The following COL23A1 variants were observed in gnomAD, a reference collection of about 807,000 sequenced individuals.
COL23A1 encodes collagen alpha-1(XXIII) chain.
In COL23A1, 97 loss-of-function variants were observed where a neutral mutation model predicts 99.3. The ratio of observed to expected loss-of-function variants is 0.98; its 90% CI spans 0.83 to 1.16. COL23A1 has a LOEUF of 1.16. Among genes scored for constraint, COL23A1 ranks in the 50% most tolerant of loss-of-function variants. The pLI, the probability that COL23A1 is intolerant of heterozygous loss-of-function variation, is 0.00. For synonymous variants in COL23A1, 320 were observed against 308.2 expected (o/e 1.04, Z -0.40); for missense variants, 762 against 757.4 (o/e 1.01, Z -0.07).
rs542095369 is a variant in COL23A1 at position 178,537,151 on chromosome 5, A to G, written c.361+23531T>C. Among the ~76,000 whole-genome samples the G allele has an allele frequency of 8.5e-5, 13 of 152,198 alleles. No individual in the cohort carries two copies. In the East Asian group the frequency reaches 2.3e-3, roughly 27 times the overall value. ...GGCGTAGAGGGAGGGGGTCCCACAT[A>G]CAGGCCGGGGGTGACAGGGAGAGGA... On this transcript the variant is annotated intron_variant, in intron 2 of 28. Coordinates refer to ENST00000390654, the MANE Select transcript of COL23A1 (RefSeq NM_173465.4).
In COL23A1 at chr5:178,268,738, CT is replaced by C; in HGVS notation, c.486del (p.Glu164LysfsTer145). ...CCTCTGGCATCACTTACCTTTTCCC[CT>C]TTCGGGCCTGGAAGTCCCTGGAAAA... ...LDGKPGLPGP[K>X]GEKGAPGDFG... is the part of the protein sequence containing the mutation. On this transcript the variant is annotated frameshift_variant, in exon 7 of 29. Coordinates refer to ENST00000390654, the MANE Select transcript of COL23A1 (RefSeq NM_173465.4). LOFTEE classifies it high-confidence loss of function. The C allele has an allele frequency of 6.2e-7, 1 of 1,604,066 alleles. No homozygotes were observed. The highest frequency in any genetic ancestry group is 8.5e-7 in the Non-Finnish European group (1 of 1,173,802).
rs561379259 is a variant in COL23A1 at position 178,437,637 on chromosome 5, G to A, written c.361+123045C>T. 6.6e-5 allele frequency among the ~76,000 whole-genome samples: 10 copies of A among 152,274 alleles called. No individual in the cohort carries two copies. The South Asian group carries it at 1.9e-3, about 28-fold the overall frequency. On this transcript the variant is annotated intron_variant, in intron 2 of 28. Transcript: ENST00000390654. ...GGCCCTGGTCCCACTGAGTTCTCAG[G>A]GCCCAGGCCCTGAGGGTACCCACTG...
chr5:178,308,833 G>C lies in COL23A1; in HGVS notation c.362-1914C>G, dbSNP rs1758507731. Among the ~76,000 whole-genome samples the C allele has an allele frequency of 6.6e-6, 1 of 152,112 alleles. No homozygotes were observed. The highest frequency in any genetic ancestry group is 2.4e-5 in the African/African-American group (1 of 41,422). On this transcript the variant is annotated intron_variant, in intron 2 of 28. Transcript: ENST00000390654. This position sits in a 1 kb window ranked among gnomAD's most constrained non-coding sequence, Gnocchi z 5.1. The stretch of plus-strand genomic sequence containing the variant: ...GGGGGCAGGTCAGCACTCTCGGGGG[G>C]GGCTTTCCTCCTCTCTGGGCCTGTT...
intron 2 of COL23A1, among the ~76,000 whole-genome samples, chr5:178,550,714 G>A (rs1581620280): frequency 6.6e-6 from 1 of 152,126 alleles, no homozygotes. Flanking sequence ...AGGAAAGGCC[G>A]CTACAGCATG....
chr5:178,487,287 G>GGTTTTTTT (rs1757683138), intron 2 of COL23A1, among the ~76,000 whole-genome samples: 1 of 137,462 alleles, frequency 7.3e-6, no homozygotes, highest in African/African-American at 2.7e-5. Flanking sequence ...ACCAGCCTCA[G>GGTTTTTTT]TTTTATTTAT....
intron 2 of COL23A1, among the ~76,000 whole-genome samples, chr5:178,478,923 G>A (rs535254367): frequency 6.6e-6 from 1 of 152,110 alleles, no homozygotes. Flanking sequence ...TTCTGGATTC[G>A]GGTGCCATAC....
chr5:178,364,155 T>C (rs925748387), intron 2 of COL23A1, among the ~76,000 whole-genome samples: 2 of 152,218 alleles, frequency 1.3e-5, no homozygotes, highest in African/African-American at 4.8e-5. Context: ...TGTGCTTTTC[T>C]GCACATTTCC....
chr5:178,425,018 C>T (rs981693061), intron 2 of COL23A1, among the ~76,000 whole-genome samples: 5 of 152,234 alleles, frequency 3.3e-5, no homozygotes, highest in African/African-American at 1.2e-4. Context: ...CTCTCTCCAC[C>T]GACCACTGAC....
At chr5:178,509,563 T>A (rs975476763) in intron 2 of COL23A1, among the ~76,000 whole-genome samples, 1 of 152,018 alleles carries the variant, frequency 6.6e-6, no homozygotes, top group Non-Finnish European at 1.5e-5. Flanking sequence ...ATCTGGCACA[T>A]TGAAATTGAA....
chr5:178,288,242 C>G (rs979598904), intron 5 of COL23A1, 82 bp downstream of exon 5: 3 of 1,175,450 alleles, frequency 2.6e-6, no homozygotes, highest in South Asian at 1.2e-5. Context: ...GGAGCGCAGA[C>G]AGAGTTAAAT....
At chr5:178,531,899 G>C (rs952692692) in intron 2 of COL23A1, among the ~76,000 whole-genome samples, 1 of 152,316 alleles carries the variant, frequency 6.6e-6, no homozygotes, top group South Asian at 2.1e-4. Flanking sequence ...TCTCCTCTCA[G>C]TCCTGGAGTC....
intron 2 of COL23A1, among the ~76,000 whole-genome samples, chr5:178,330,240 G>A (rs958084543): frequency 2.6e-5 from 4 of 152,248 alleles, no homozygotes; most frequent in African/African-American, 9.6e-5. Flanking sequence ...CACACGCACT[G>A]TATTCTGTCG....
At chr5:178,501,997 A>G (rs915596608) in intron 2 of COL23A1, among the ~76,000 whole-genome samples, 4 of 152,248 alleles carry the variant, frequency 2.6e-5, no homozygotes, top group Admixed American at 6.5e-5. Flanking sequence ...TAGGACAAAG[A>G]CCGACAATCT....
Position 178,242,358 on chromosome 5 carries a change from T to G in COL23A1, c.1477A>C (p.Ser493Arg), listed in dbSNP as rs759434510. The stretch of plus-strand genomic sequence containing the variant: ...GCCCTCACCTTCTCTCCACGCTCGC[T>G]CCGATCACCTTTCTCTCCTCGGGGT... ...PGPRGEKGDR[S>R]ERGEKGERGV... is the part of the protein sequence containing the mutation. The change falls in exon 26 of 29, where the codon AGC becomes CGC. Residue 493 changes from serine (S) to arginine (R), a missense_variant. By Grantham distance (110) the Ser-to-Arg change is moderately radical. Coordinates refer to ENST00000390654, the MANE Select transcript of COL23A1 (RefSeq NM_173465.4). 1 of 1,614,040 alleles carries G rather than the reference T, an allele frequency of 6.2e-7. No individual in the cohort carries two copies. The highest frequency in any genetic ancestry group is 8.5e-7 in the Non-Finnish European group (1 of 1,179,978).
intron 2 of COL23A1, among the ~76,000 whole-genome samples, chr5:178,504,863 G>A (rs1172522039): frequency 1.3e-5 from 2 of 152,174 alleles, no homozygotes; most frequent in Admixed American, 6.5e-5. Context: ...CCAGAAATCC[G>A]AGTTTTACAT....
chr5:178,250,326 C>T (rs915812788), intron 17 of COL23A1, among the ~76,000 whole-genome samples: 2 of 152,208 alleles, frequency 1.3e-5, no homozygotes, highest in Non-Finnish European at 2.9e-5. Flanking sequence ...CAGATTCGGG[C>T]GCTGAGGCTT....
intron 2 of COL23A1, among the ~76,000 whole-genome samples, chr5:178,533,490 A>T (rs1447492180): frequency 1.3e-5 from 2 of 152,148 alleles, no homozygotes; most frequent in African/African-American, 4.8e-5. Context: ...TCCATGTTGT[A>T]GCATGTGTCG....
At chr5:178,560,315 A>C (rs1175014380) in intron 2 of COL23A1, among the ~76,000 whole-genome samples, 1 of 152,200 alleles carries the variant, frequency 6.6e-6, no homozygotes, top group Non-Finnish European at 1.5e-5. Context: ...CTCTGGTTGC[A>C]ATGTTGGTAC....
intron 5 of COL23A1, among the ~76,000 whole-genome samples, chr5:178,287,483 G>A (rs994415830): frequency 1.3e-5 from 2 of 152,220 alleles, no homozygotes; most frequent in African/African-American, 4.8e-5. Context: ...TCACTCAGCC[G>A]AGAGGAAGCA....
Sources: gnomAD v4.1 joint callset for allele counts (sites outside exome capture counted in the v4.1 genomes callset) on GRCh38, gnomAD v4.1.1 for gene constraint, Gnocchi (gnomAD v3.1) non-coding constraint, MANE v1.5 for transcripts, NCBI Gene and HGNC (gene_info 2026-07-23, HGNC 2026-07-21) for gene names.